Variants in DCDC2 observed in about 807,000 individuals in gnomAD.
DCDC2 encodes doublecortin domain containing 2, also known as doublecortin domain-containing protein 2.
DCDC2 carries 40 observed loss-of-function variants against 50.2 expected under a neutral mutation model. The observed-to-expected ratio is 0.80, with a 90% CI of 0.62 to 1.04. The LOEUF (loss-of-function observed/expected upper bound fraction) is 1.04. Among genes scored for constraint, DCDC2 ranks in the 50% least tolerant of loss-of-function variants. DCDC2 has a pLI of 0.00. For synonymous variants in DCDC2, 234 were observed against 210.6 expected (o/e 1.11, Z -0.96); for missense variants, 570 against 581.9 (o/e 0.98, Z 0.21).
intron 2 of DCDC2, among the ~76,000 whole-genome samples, chr6:24,311,192 C>T (rs947754127): frequency 7.9e-5 from 12 of 152,184 alleles, no homozygotes; most frequent in African/African-American, 2.9e-4. Flanking sequence ...CACACTGTAA[C>T]CTTATTTCTC....
chr6:24,250,318 A>G (rs1020576139), intron 7 of DCDC2, among the ~76,000 whole-genome samples: 4 of 152,172 alleles, frequency 2.6e-5, no homozygotes, highest in African/African-American at 9.7e-5. Context: ...GGGGCCAAAA[A>G]TAAGCAGAAG....
chr6:24,287,618 C>T (rs568576979), intron 6 of DCDC2, among the ~76,000 whole-genome samples: 3 of 152,342 alleles, frequency 2.0e-5, no homozygotes, highest in Non-Finnish European at 4.4e-5. Flanking sequence ...TGTCAGCCAG[C>T]GTGACTGCTT....
At chr6:24,247,006 A>G (rs1762691680) in intron 7 of DCDC2, among the ~76,000 whole-genome samples, 1 of 152,204 alleles carries the variant, frequency 6.6e-6, no homozygotes, top group Admixed American at 6.5e-5. Flanking sequence ...AGGTAACCCC[A>G]AAAGAGATGA....
chr6:24,314,976 G>A (rs926145085), intron 2 of DCDC2, among the ~76,000 whole-genome samples: 1 of 151,998 alleles, frequency 6.6e-6, no homozygotes, highest in Non-Finnish European at 1.5e-5. Context: ...TCTTGTAATA[G>A]GACTAAAACC....
intron 6 of DCDC2, among the ~76,000 whole-genome samples, chr6:24,283,071 T>C (rs922647189): frequency 5.9e-5 from 9 of 152,166 alleles, no homozygotes; most frequent in Non-Finnish European, 1.2e-4. Context: ...CAACAAAAGA[T>C]CATTTAGTCG....
intron 7 of DCDC2, among the ~76,000 whole-genome samples, chr6:24,247,384 C>A (rs4712813): frequency 0.99 from 150,439 of 151,970 alleles, 74,479 homozygotes; most frequent in Middle Eastern, 1. Context: ...TGGGGGAAGA[C>A]TTAATTAAAA....
chr6:24,272,087 T>C (rs1217534965), intron 7 of DCDC2, among the ~76,000 whole-genome samples: 2 of 151,968 alleles, frequency 1.3e-5, no homozygotes, highest in Non-Finnish European at 2.9e-5. Context: ...ATAAAAAGAA[T>C]CCTTTTCGAA....
intron 1 of DCDC2, among the ~76,000 whole-genome samples, 170 bp from the exon 2 acceptor site, chr6:24,353,793 G>A (rs1760416483): frequency 6.6e-6 from 1 of 152,204 alleles, no homozygotes; most frequent in Non-Finnish European, 1.5e-5. Flanking sequence ...ACTGTTTGCA[G>A]TGTCACCAAC....
intron 1 of DCDC2, among the ~76,000 whole-genome samples, 161 bp from the exon 2 acceptor site, chr6:24,353,784 C>T (rs571602374): frequency 4.3e-4 from 66 of 152,200 alleles, no homozygotes; most frequent in African/African-American, 1.4e-3. Flanking sequence ...ATAGTAAAAA[C>T]TGTTTGCAGT....
intron 7 of DCDC2, among the ~76,000 whole-genome samples, chr6:24,210,075 C>T (rs137989881): frequency 0.022 from 2,916 of 130,988 alleles, 73 homozygotes; most frequent in African/African-American, 0.087. Context: ...TGTCTGTCTG[C>T]CTGCCTGCCT....
intron 2 of DCDC2, among the ~76,000 whole-genome samples, chr6:24,338,913 G>T (rs1378850583): frequency 6.6e-6 from 1 of 152,090 alleles, no homozygotes; most frequent in Non-Finnish European, 1.5e-5. Context: ...CAAAGTGCTG[G>T]GATTACAAGT....
chr6:24,321,009 C>A (rs1438231987), intron 2 of DCDC2, among the ~76,000 whole-genome samples: 1 of 148,348 alleles, frequency 6.7e-6, no homozygotes, highest in Non-Finnish European at 1.5e-5. Context: ...CAAAAGCCAA[C>A]TTGAAAGAGT....
chr6:24,329,573 A>G (rs1317156806), intron 2 of DCDC2, among the ~76,000 whole-genome samples: 2 of 152,200 alleles, frequency 1.3e-5, no homozygotes, highest in East Asian at 3.8e-4. Flanking sequence ...ACAACTTAAC[A>G]TTAGCCATCC....
intron 7 of DCDC2, among the ~76,000 whole-genome samples, chr6:24,210,621 G>A (rs1255007467): frequency 6.6e-6 from 1 of 152,096 alleles, no homozygotes; most frequent in Non-Finnish European, 1.5e-5. Context: ...ACCATTATCT[G>A]TTGGATGGGC....
chr6:24,193,968 CTAAAA>C (rs1458573485), intron 8 of DCDC2, among the ~76,000 whole-genome samples: 12 of 151,936 alleles, frequency 7.9e-5, no homozygotes, highest in Admixed American at 6.6e-4. Flanking sequence ...TTTATGTCAT[CTAAAA>C]TAAAAGAATT....
At chr6:24,182,735 A>C (rs143648467) in intron 8 of DCDC2, among the ~76,000 whole-genome samples, 1 of 152,106 alleles carries the variant, frequency 6.6e-6, no homozygotes, top group Admixed American at 6.5e-5. Context: ...CCTGAAAAAC[A>C]GTATGGTCAT....
intron 7 of DCDC2, among the ~76,000 whole-genome samples, chr6:24,220,426 A>G (rs72828994): frequency 0.025 from 3,750 of 152,334 alleles, 66 homozygotes; most frequent in Non-Finnish European, 0.039. Flanking sequence ...CAAGAAGCGG[A>G]GAAGAAATGG....
the DCDC2 span, among the ~76,000 whole-genome samples, chr6:24,377,027 G>A: frequency 6.6e-6 from 1 of 152,106 alleles, no homozygotes; most frequent in African/African-American, 2.4e-5. Context: ...CAGGCCTTCT[G>A]GAGGCATTTA....
At chr6:24,297,503 G>A (rs1412685643) in intron 4 of DCDC2, among the ~76,000 whole-genome samples, 1 of 152,008 alleles carries the variant, frequency 6.6e-6, no homozygotes, top group Non-Finnish European at 1.5e-5. Flanking sequence ...GTATTCAAGT[G>A]TTTGAGCAAC....
Sources: allele counts gnomAD v4.1 joint callset (sites outside exome capture counted in the v4.1 genomes callset), GRCh38; gene constraint gnomAD v4.1.1; transcripts MANE v1.5; gene names NCBI Gene and HGNC (gene_info 2026-07-23, HGNC 2026-07-21).